ASH2L: variants seen among roughly 807,000 people sequenced by gnomAD.
The protein encoded by ASH2L is set1/Ash2 histone methyltransferase complex subunit ASH2.
Under a neutral mutation model 81.1 loss-of-function variants are expected in ASH2L, and 30 were observed. That is an observed-to-expected ratio of 0.37 (90% CI 0.28 to 0.50). The LOEUF (loss-of-function observed/expected upper bound fraction) is 0.50. Among genes scored for constraint, ASH2L ranks in the 20% least tolerant of loss-of-function variants. The pLI is 0.95. For missense variants in ASH2L, 559 were observed against 792.1 expected (o/e 0.71, Z 3.53); for synonymous variants, 273 against 279.9 (o/e 0.98, Z 0.24).
intron 3 of ASH2L, among the ~76,000 whole-genome samples, chr8:38,107,866 ATATGTGTG>A (rs1175884711): frequency 5.7e-5 from 6 of 105,998 alleles, no homozygotes; most frequent in Admixed American, 1.1e-4. Flanking sequence ...AGAAATACAT[ATATGTGTG>A]TGTGTGTGTG....
intron 10 of ASH2L, chr8:38,124,048 C>G (rs974161920): frequency 6.6e-6 from 1 of 151,924 alleles, no homozygotes; most frequent in Admixed American, 6.6e-5. Context: ...GTCATGTTGG[C>G]CGGGCTGGTC....
At chr8:38,125,584 G>C (rs1801811241) in intron 10 of ASH2L, among the ~76,000 whole-genome samples, 1 of 148,276 alleles carries the variant, frequency 6.7e-6, no homozygotes, top group Non-Finnish European at 1.5e-5. Context: ...CTCCAGCCTG[G>C]GCGACAAGAG....
intron 3 of ASH2L, among the ~76,000 whole-genome samples, chr8:38,108,305 TAGAG>T (rs1422472296): frequency 6.6e-6 from 1 of 152,122 alleles, no homozygotes; most frequent in African/African-American, 2.4e-5. Context: ...CCTGGTCTCT[TAGAG>T]AGGCCTAAGA....
intron 12 of ASH2L, among the ~76,000 whole-genome samples, chr8:38,133,038 G>C (rs1036963202): frequency 7.9e-5 from 12 of 151,016 alleles, no homozygotes; most frequent in Non-Finnish European, 1.5e-4. Context: ...AGTGAGAAGA[G>C]ATCACACCAT....
At chr8:38,134,624 G>T (rs1350608717) in intron 13 of ASH2L, among the ~76,000 whole-genome samples, 1 of 152,198 alleles carries the variant, frequency 6.6e-6, no homozygotes, top group Non-Finnish European at 1.5e-5. Context: ...AAAAAGGGAA[G>T]TGGGATGTAG....
chr8:38,121,134 G>A lies in ASH2L; in HGVS notation c.1150G>A (p.Ala384Thr). 6.2e-7 allele frequency: 1 copy of A among 1,613,370 alleles called. No homozygotes were observed. The highest frequency in any genetic ancestry group is 8.5e-7 in the Non-Finnish European group (1 of 1,179,830). The stretch of plus-strand genomic sequence containing the variant: ...CTGCTTGTATGAACGGGTTTTGTTA[G>A]CCCTACATGATCGAGGTATGTAAAG... Reference protein sequence around the residue: ...RACLYERVLLALHDRAPQLKI... With the variant: ...RACLYERVLLTLHDRAPQLKI... Residue 384 changes from alanine to threonine, a missense_variant, in exon 10 of 16, where the codon GCC (alanine) becomes ACC (threonine). By Grantham distance (58) the Ala-to-Thr change is moderately conservative. Coordinates refer to ENST00000343823, the MANE Select transcript of ASH2L (RefSeq NM_004674.5).
At chr8:38,107,189 G>A (rs775478149) in intron 3 of ASH2L, 23 bp downstream of exon 3, 6 of 1,611,796 alleles carry the variant, frequency 3.7e-6, no homozygotes, top group Non-Finnish European at 5.1e-6. Context: ...CATAGTTTTT[G>A]TGAGAATTGC....
intron 12 of ASH2L, among the ~76,000 whole-genome samples, chr8:38,132,172 A>C (rs1199069428): frequency 6.6e-6 from 1 of 152,130 alleles, no homozygotes; most frequent in Non-Finnish European, 1.5e-5. Context: ...AATTTTGAAG[A>C]CAATATATGC....
rs1802404223 is a variant in ASH2L at position 38,139,826 on chromosome 8, T to C, written c.*755T>C. 1.3e-5 allele frequency: 2 copies of C among 152,212 alleles called. No homozygotes were observed. Among genetic ancestry groups the C allele is most frequent in the Admixed American group, 6.5e-5 (1 of 15,270 alleles). The allele number at this position is 152,212 out of a possible 1,614,324, so 9.4% of individuals were successfully genotyped here. On this transcript the variant is annotated 3_prime_UTR_variant, in exon 16 of 16. Transcript: ENST00000343823. Reference sequence around the variant, plus strand: ...CCGGGTTTCTGAGTTGTGTTTTGGCTGCTTTCCTATTGCTCCCATTCTTGC... The same window carrying C: ...CCGGGTTTCTGAGTTGTGTTTTGGCCGCTTTCCTATTGCTCCCATTCTTGC...
At position 38,121,187 on chromosome 8, in the gene ASH2L, A is replaced by G. The variant is rs572945189; in HGVS notation, c.1165+38A>G. ...TTGGAGATCATATGGATGCAGGGTTACTTTGAACTGCCATCATTAGCCTTG... is the reference window on the plus strand; with the variant it reads ...TTGGAGATCATATGGATGCAGGGTTGCTTTGAACTGCCATCATTAGCCTTG... On this transcript the variant is annotated intron_variant, in intron 10 of 15. Transcript: ENST00000343823. 6 of 1,572,810 alleles carry G rather than the reference A, an allele frequency of 3.8e-6. No homozygotes were observed. The East Asian group carries it at 1.1e-4, about 29-fold the overall frequency.
chr8:38,132,140 C>G, intron 12 of ASH2L, among the ~76,000 whole-genome samples: 1 of 152,166 alleles, frequency 6.6e-6, no homozygotes, highest in South Asian at 2.1e-4. Context: ...AGCCACTGCG[C>G]TCGGCCACAT....
In ASH2L at chr8:38,116,307, A is replaced by C. The variant is rs533501235; in HGVS notation, c.778-343A>C. On this transcript the variant is annotated intron_variant, in intron 7 of 15. Transcript: ENST00000343823. ...CTTGAACCTGGTAGGCAGAGGTTGC[A>C]GTAAGCCGATATCGCGCCACTGCAC... Among the ~76,000 whole-genome samples, 168 of 152,300 alleles carry C rather than the reference A, an allele frequency of 1.1e-3. 3 individuals carry two copies. The South Asian group carries it at 0.034, about 30-fold the overall frequency.
In ASH2L at chr8:38,116,802, T is replaced by C. The variant is rs186995272; in HGVS notation, c.853+77T>C. On this transcript the variant is annotated intron_variant, in intron 8 of 15. Transcript: ENST00000343823. ...GTTGTGCCTAGAACTGGCCATTCTT[T>C]GGGTTGACCCTTAACCTGGATACTT... The C allele has an allele frequency of 2.5e-5, 31 of 1,254,902 alleles. No homozygotes were observed. In the African/African-American group the frequency reaches 4.2e-4, roughly 17 times the overall value. The allele number at this position is 1,254,902 out of a possible 1,614,324, so 77.7% of individuals were successfully genotyped here.
At chr8:38,135,500 G>A (rs1380775953) in intron 13 of ASH2L, among the ~76,000 whole-genome samples, 168 bp from the exon 14 acceptor site, 1 of 151,994 alleles carries the variant, frequency 6.6e-6, no homozygotes, top group Admixed American at 6.6e-5. Context: ...TTGAAAAATC[G>A]AAAGTATTAT....
Position 38,137,105 on chromosome 8 carries a change from A to G in ASH2L, c.1719+1339A>G, listed in dbSNP as rs921467118. ...GAGACTCCGTCTCAAAAAAAAAAAAAGGGCGGGGGTGGCGCTGGGCACAGT... is the reference window on the plus strand; with the variant it reads ...GAGACTCCGTCTCAAAAAAAAAAAAGGGGCGGGGGTGGCGCTGGGCACAGT... On this transcript the variant is annotated intron_variant, in intron 14 of 15. Coordinates refer to ENST00000343823, the MANE Select transcript of ASH2L (RefSeq NM_004674.5). Among the ~76,000 whole-genome samples the G allele has an allele frequency of 8.1e-4, 121 of 148,942 alleles. 1 individual carries two copies. Among genetic ancestry groups the G allele is most frequent in the Admixed American group, 7.0e-3 (105 of 15,000 alleles).
chr8:38,132,014 A>G (rs886829785), intron 12 of ASH2L, among the ~76,000 whole-genome samples: 7 of 152,080 alleles, frequency 4.6e-5, no homozygotes, highest in African/African-American at 1.7e-4. Flanking sequence ...ACGCCCAGCT[A>G]ATTTTTATAT....
At chr8:38,106,250 A>T (rs1810425365) in intron 1 of ASH2L, 128 bp from the exon 2 acceptor site, 1 of 1,372,206 alleles carries the variant, frequency 7.3e-7, no homozygotes, top group Non-Finnish European at 1.0e-6. Context: ...ATCCAGTCTG[A>T]GATCAGGCTT....
Position 38,135,745 on chromosome 8 carries a change from C to A in ASH2L, c.1698C>A (p.Ile566=). Reference sequence around the variant, plus strand: ...TTGAGGGGGTTTACTTCCCAGCCATCTCACTGTACAAGAGCTGCACGGTAC... The same window carrying A: ...TTGAGGGGGTTTACTTCCCAGCCATATCACTGTACAAGAGCTGCACGGTAC... ...DIFEGVYFPA[I]SLYKSCTVSI... The change falls in exon 14 of 16, where the codon ATC becomes ATA. Residue 566 remains isoleucine, a synonymous_variant. Coordinates refer to ENST00000343823, the MANE Select transcript of ASH2L (RefSeq NM_004674.5). 6.2e-7 allele frequency: 1 copy of A among 1,613,018 alleles called. No homozygotes were observed. Among genetic ancestry groups the A allele is most frequent in the Non-Finnish European group, 8.5e-7 (1 of 1,179,400 alleles).
chr8:38,108,538 G>A (rs925121343), intron 3 of ASH2L, among the ~76,000 whole-genome samples: 5 of 152,030 alleles, frequency 3.3e-5, no homozygotes, highest in Non-Finnish European at 7.4e-5. Context: ...AAAGGTGGGG[G>A]GCCAGGCGCA....
Sources: allele counts gnomAD v4.1 joint callset (sites outside exome capture counted in the v4.1 genomes callset), GRCh38; gene constraint gnomAD v4.1.1; transcripts MANE v1.5; gene names NCBI Gene and HGNC (gene_info 2026-07-23, HGNC 2026-07-21).